The following ZNF423 variants were observed in gnomAD, a reference collection of about 807,000 sequenced individuals.
ZNF423 encodes Ebf-associated zinc finger protein.
Under a neutral mutation model 95.8 loss-of-function variants are expected in ZNF423, and 12 were observed. The ratio of observed to expected loss-of-function variants is 0.13; its 90% confidence interval spans 0.08 to 0.20. ZNF423 has a LOEUF of 0.20. Ranked by LOEUF, ZNF423 falls within the 10% of genes least tolerant of loss-of-function variation. The pLI is 1.00. For synonymous variants in ZNF423, 749 were observed against 711.9 expected (o/e 1.05, Z -0.83); for missense variants, 1,316 against 1,737.1 (o/e 0.76, Z 4.31).
At chr16:49,740,534 AG>A (rs2033393508) in intron 2 of ZNF423, among the ~76,000 whole-genome samples, 1 of 152,252 alleles carries the variant, frequency 6.6e-6, no homozygotes, top group Admixed American at 6.5e-5. Context: ...CTCAGCCTAA[AG>A]GGTCCCCTTG....
chr16:49,751,734 G>A (rs183565072), intron 2 of ZNF423, among the ~76,000 whole-genome samples: 14 of 152,334 alleles, frequency 9.2e-5, no homozygotes, highest in Admixed American at 2.6e-4. Flanking sequence ...TGTCGGGAGA[G>A]GAAGAAGCAG....
intron 3 of ZNF423, among the ~76,000 whole-genome samples, chr16:49,722,325 A>G (rs566805338): frequency 3.1e-4 from 47 of 152,336 alleles, no homozygotes; most frequent in Admixed American, 2.0e-3. Flanking sequence ...TCTTCCTGAG[A>G]GCTATAGAGA....
chr16:49,565,962 C>T (rs1422880295), intron 5 of ZNF423, among the ~76,000 whole-genome samples: 2 of 151,940 alleles, frequency 1.3e-5, no homozygotes, highest in Non-Finnish European at 2.9e-5. Flanking sequence ...AAGGTGGGTG[C>T]TCCCATCAGA....
At chr16:49,716,121 G>A (rs1054839680) in intron 3 of ZNF423, among the ~76,000 whole-genome samples, 1 of 152,050 alleles carries the variant, frequency 6.6e-6, no homozygotes, top group South Asian at 2.1e-4. Context: ...GACAGCGGAG[G>A]GCAGTTGAGG....
chr16:49,571,217 TC>T (rs1970345350), intron 5 of ZNF423, among the ~76,000 whole-genome samples: 1 of 152,164 alleles, frequency 6.6e-6, no homozygotes, highest in Non-Finnish European at 1.5e-5. Flanking sequence ...TTTTTTTTAA[TC>T]CATTTATTCA....
intron 3 of ZNF423, among the ~76,000 whole-genome samples, chr16:49,683,365 A>C (rs1371999908): frequency 6.6e-6 from 1 of 152,218 alleles, no homozygotes; most frequent in African/African-American, 2.4e-5. Context: ...TCATCTTAAT[A>C]TTGAAAATAC....
chr16:49,593,875 G>T (rs146076643), intron 5 of ZNF423, among the ~76,000 whole-genome samples: 6 of 152,316 alleles, frequency 3.9e-5, no homozygotes, highest in African/African-American at 1.4e-4. Flanking sequence ...CAAGAACTCT[G>T]CCAGGGGCTC....
At chr16:49,561,462 C>T (rs1310049734) in intron 5 of ZNF423, among the ~76,000 whole-genome samples, 1 of 152,128 alleles carries the variant, frequency 6.6e-6, no homozygotes, top group Admixed American at 6.5e-5. Flanking sequence ...TACTTTTAAC[C>T]TTTGTATACT....
At chr16:49,524,259 C>T (rs988397047) in intron 6 of ZNF423, among the ~76,000 whole-genome samples, 6 of 152,202 alleles carry the variant, frequency 3.9e-5, no homozygotes, top group Admixed American at 3.9e-4. Context: ...TAGCAAGTGG[C>T]AGAGCCTAGA....
chr16:49,661,624 C>T (rs2030235256), intron 3 of ZNF423, among the ~76,000 whole-genome samples: 1 of 152,236 alleles, frequency 6.6e-6, no homozygotes, highest in Admixed American at 6.5e-5. Context: ...TCTTGGGAAA[C>T]ACCTCGCATC....
chr16:49,577,734 TC>T (rs750709552), intron 5 of ZNF423, among the ~76,000 whole-genome samples: 1 of 152,124 alleles, frequency 6.6e-6, no homozygotes, highest in Non-Finnish European at 1.5e-5. Flanking sequence ...GAGAAGGATT[TC>T]CCCACGCCCC....
At chr16:49,511,925 C>A (rs12929641) in intron 7 of ZNF423, among the ~76,000 whole-genome samples, 62,510 of 151,982 alleles carry the variant, frequency 0.41, 13,307 homozygotes, top group African/African-American at 0.52. Context: ...TCCACAGTGC[C>A]CCTTAATGTC....
At chr16:49,765,006 G>C (rs143378518) in intron 2 of ZNF423, among the ~76,000 whole-genome samples, 13 of 150,426 alleles carry the variant, frequency 8.6e-5, no homozygotes, top group African/African-American at 2.9e-4. Flanking sequence ...TGATTTGCCC[G>C]CCTCATCTCC....
intron 3 of ZNF423, among the ~76,000 whole-genome samples, chr16:49,665,197 GGGTAGC>G (rs2030477870): frequency 6.6e-6 from 1 of 152,242 alleles, no homozygotes; most frequent in Non-Finnish European, 1.5e-5. Flanking sequence ...AGAGCTTGGT[GGGTAGC>G]GGCATTCAGT....
chr16:49,739,552 G>T (rs1369456158), intron 2 of ZNF423, among the ~76,000 whole-genome samples: 1 of 152,128 alleles, frequency 6.6e-6, no homozygotes, highest in Non-Finnish European at 1.5e-5. Context: ...CCGTGAAGGG[G>T]TGTGATCAGC....
chr16:49,600,828 A>T (rs866976417), intron 5 of ZNF423, among the ~76,000 whole-genome samples: 1 of 152,060 alleles, frequency 6.6e-6, no homozygotes, highest in East Asian at 1.9e-4. Flanking sequence ...TGACTACCAC[A>T]TTGCCGAAAT....
At chr16:49,664,602 C>A (rs184588796) in intron 3 of ZNF423, among the ~76,000 whole-genome samples, 1 of 150,726 alleles carries the variant, frequency 6.6e-6, no homozygotes, top group Non-Finnish European at 1.5e-5. Flanking sequence ...AGCAAGGGGT[C>A]TCTCTCGGAC....
At chr16:49,772,600 G>A (rs1032337094) in intron 2 of ZNF423, among the ~76,000 whole-genome samples, 1 of 152,236 alleles carries the variant, frequency 6.6e-6, no homozygotes, top group African/African-American at 2.4e-5. Flanking sequence ...AGGCAAATGT[G>A]TCTTAGAGTC....
chr16:49,638,894 G>T lies in ZNF423; in HGVS notation c.302-20C>A, dbSNP rs772874289. 1 of 1,579,052 alleles carries T rather than the reference G, an allele frequency of 6.3e-7. No individual in the cohort carries two copies. Among genetic ancestry groups the T allele is most frequent in the Non-Finnish European group, 8.6e-7 (1 of 1,160,886 alleles). ...CACCATCTGCAAGAGAAGGCAGAGA[G>T]GATATTAGAGGCAATTCCCAGGGCT... is the stretch of plus-strand genomic sequence containing the variant. On this transcript the variant is annotated intron_variant, in intron 3 of 7. Transcript: ENST00000563137. The surrounding 1 kb of genome is among the most constrained non-coding windows in gnomAD (Gnocchi z 5.6).
Sources: gnomAD v4.1 joint callset for allele counts (sites outside exome capture counted in the v4.1 genomes callset) on GRCh38, gnomAD v4.1.1 for gene constraint, Gnocchi (gnomAD v3.1) non-coding constraint, MANE v1.5 for transcripts, NCBI Gene and HGNC (gene_info 2026-07-23, HGNC 2026-07-21) for gene names.